PRKAG2: variants seen among roughly 807,000 people sequenced by gnomAD.
PRKAG2 encodes the protein protein kinase AMP-activated non-catalytic subunit gamma 2.
PRKAG2 carries 26 observed loss-of-function variants against 69.6 expected under a neutral mutation model. The ratio of observed to expected loss-of-function variants is 0.37; its 90% CI spans 0.27 to 0.52. The LOEUF is 0.52. Ranked by LOEUF, PRKAG2 falls within the 20% of genes least tolerant of loss-of-function variation. PRKAG2 has a pLI of 0.90. For missense variants in PRKAG2, 557 were observed against 740.0 expected, an observed-to-expected ratio of 0.75 and a Z score of 2.87; for synonymous variants, 293 against 285.0, an observed-to-expected ratio of 1.03 and a Z score of -0.28.
intron 1 of PRKAG2, among the ~76,000 whole-genome samples, chr7:151,865,556 A>G (rs939865843): frequency 2.0e-5 from 3 of 152,258 alleles, no homozygotes; most frequent in Admixed American, 6.5e-5. Flanking sequence ...CTGGCACACA[A>G]CAGGCTGCGG....
chr7:151,615,467 G>T (rs2151240708), intron 5 of PRKAG2, among the ~76,000 whole-genome samples: 1 of 152,330 alleles, frequency 6.6e-6, no homozygotes, highest in Middle Eastern at 3.4e-3. Context: ...TAACCTGGAA[G>T]ATGACCTAGG....
intron 1 of PRKAG2, among the ~76,000 whole-genome samples, chr7:151,803,348 G>A (rs1266820312): frequency 6.6e-6 from 1 of 152,130 alleles, no homozygotes; most frequent in Non-Finnish European, 1.5e-5. Flanking sequence ...AGGAATTTAA[G>A]GCGATCTTTA....
At chr7:151,809,439 G>T (rs1042279832) in intron 1 of PRKAG2, 1 of 352,512 alleles carries the variant, frequency 2.8e-6, no homozygotes, top group Non-Finnish European at 5.6e-6. Flanking sequence ...TCGCTGTGGG[G>T]TCCTCCCACC....
At chr7:151,832,080 G>A (rs1372219383) in intron 1 of PRKAG2, among the ~76,000 whole-genome samples, 1 of 152,118 alleles carries the variant, frequency 6.6e-6, no homozygotes, top group African/African-American at 2.4e-5. Context: ...GGGTACAGGG[G>A]CCACCAGATG....
intron 1 of PRKAG2, among the ~76,000 whole-genome samples, chr7:151,791,739 A>G (rs943916329): frequency 6.6e-6 from 1 of 152,234 alleles, no homozygotes; most frequent in Non-Finnish European, 1.5e-5. Context: ...CTTAAAAGCA[A>G]CTCATTCATC....
chr7:151,807,335 A>G lies in PRKAG2; in HGVS notation c.115-20794T>C, dbSNP rs776414224. On this transcript the variant is annotated intron_variant, in intron 1 of 15. Transcript: ENST00000287878. This position sits in a 1 kb window ranked among gnomAD's most constrained non-coding sequence, Gnocchi z 4.4. ...CAGAACGTGGGAAAATGCCTATATTAAGAATCCTGGAATACTCCATGTGCT... is the reference window on the plus strand; with the variant it reads ...CAGAACGTGGGAAAATGCCTATATTGAGAATCCTGGAATACTCCATGTGCT... 1 of 439,328 alleles carries G rather than the reference A, an allele frequency of 2.3e-6. No homozygotes were observed. Among genetic ancestry groups the G allele is most frequent in the Non-Finnish European group, 4.7e-6 (1 of 213,932 alleles). The allele number at this position is 439,328 out of a possible 1,614,324, so 27.2% of individuals were successfully genotyped here. A position where few individuals can be genotyped will look rare whatever the true frequency, so the allele number is the denominator to read the frequency against.
At chr7:151,603,769 G>T (rs1816810021) in intron 5 of PRKAG2, among the ~76,000 whole-genome samples, 1 of 152,098 alleles carries the variant, frequency 6.6e-6, no homozygotes, top group Admixed American at 6.5e-5. Context: ...CCAAGTAGAG[G>T]TACTCTTTCC....
chr7:151,857,130 A>AAAG lies in PRKAG2; in HGVS notation c.114+19376_114+19377insCTT, dbSNP rs1491405825. Among the ~76,000 whole-genome samples, 220 of 50,950 alleles carry AAAG rather than the reference A, an allele frequency of 4.3e-3. 2 individuals are homozygous for AAAG. The highest frequency in any genetic ancestry group is 9.4e-3 in the African/African-American group (206 of 22,006). The allele number at this position is 50,950 out of a possible 152,430, so 33.4% of individuals were successfully genotyped here. A position where few individuals can be genotyped will look rare whatever the true frequency, so the allele number is the denominator to read the frequency against. ...TTAGGCAAGGGCTGATCATTGCTGG[A>AAAG]AAAAAAAAAAAAAAAAGCCCACAGG... On this transcript the variant is annotated intron_variant, in intron 1 of 15. Transcript: ENST00000287878.
chr7:151,801,309 A>G (rs957426196), intron 1 of PRKAG2, among the ~76,000 whole-genome samples: 15 of 152,246 alleles, frequency 9.9e-5, no homozygotes, highest in African/African-American at 3.6e-4. Flanking sequence ...AAGATAAATG[A>G]GACCAGAGAC....
At chr7:151,855,066 CCA>C (rs1243519168) in intron 1 of PRKAG2, among the ~76,000 whole-genome samples, 5 of 39,840 alleles carry the variant, frequency 1.3e-4, no homozygotes, top group East Asian at 2.0e-3. Context: ...ACACCATCCT[CCA>C]CACACACCAT....
chr7:151,713,768 A>AG (rs1459352872), intron 3 of PRKAG2, among the ~76,000 whole-genome samples: 1 of 151,954 alleles, frequency 6.6e-6, no homozygotes, highest in South Asian at 2.1e-4. Flanking sequence ...TTCATAGAGA[A>AG]GGGGTCTATG....
At chr7:151,795,885 ATATATC>A (rs2077505577) in intron 1 of PRKAG2, among the ~76,000 whole-genome samples, 2 of 109,300 alleles carry the variant, frequency 1.8e-5, no homozygotes, top group East Asian at 3.4e-4. Flanking sequence ...ATATATATAT[ATATATC>A]ACGATAATAT....
intron 4 of PRKAG2, 72 bp downstream of exon 4, chr7:151,675,348 G>T: frequency 1.4e-6 from 2 of 1,444,294 alleles, no homozygotes; most frequent in Non-Finnish European, 1.9e-6. Flanking sequence ...AGACTGCTCA[G>T]CTTGGGGCAA....
intron 3 of PRKAG2, among the ~76,000 whole-genome samples, chr7:151,759,960 C>T (rs62478212): frequency 0.21 from 32,512 of 152,252 alleles, 4,485 homozygotes; most frequent in Non-Finnish European, 0.31. Context: ...CTAGTACGGG[C>T]TCCAGGCTGA....
intron 4 of PRKAG2, among the ~76,000 whole-genome samples, chr7:151,636,086 C>T (rs1825693696): frequency 1.3e-5 from 2 of 151,866 alleles, no homozygotes; most frequent in Admixed American, 6.6e-5. Flanking sequence ...CTCCTGACCT[C>T]GTGATCCACC....
intron 1 of PRKAG2, among the ~76,000 whole-genome samples, chr7:151,837,664 C>T (rs73487767): frequency 0.019 from 2,865 of 152,224 alleles, 85 homozygotes; most frequent in African/African-American, 0.065. Flanking sequence ...GAATGCCACA[C>T]GCGAGGCACT....
chr7:151,735,893 G>C lies in PRKAG2; in HGVS notation c.466+45259C>G, dbSNP rs1411433866. The C allele has an allele frequency of 2.0e-6, 3 of 1,536,270 alleles. No individual in the cohort carries two copies. The East Asian group carries it at 7.3e-5, about 38-fold the overall frequency. ...CACCAGGGGCTCGGGAATGGGCAGA[G>C]TCCTACCGAAAAGGCCATGAGGCTC... On this transcript the variant is annotated intron_variant, in intron 3 of 15. Transcript: ENST00000287878.
chr7:151,780,881 C>G lies in PRKAG2; in HGVS notation c.466+271G>C, dbSNP rs1236993717. Among the ~76,000 whole-genome samples, 1 of 152,162 alleles carries G rather than the reference C, an allele frequency of 6.6e-6. No homozygotes were observed. Among genetic ancestry groups the G allele is most frequent in the African/African-American group, 2.4e-5 (1 of 41,442 alleles). ...TCCATACAAGCTGTACTGTGAGTAT[C>G]AGGATGTTTACAGTTAACCCAAGGA... is the stretch of plus-strand genomic sequence containing the variant. On this transcript the variant is annotated intron_variant, in intron 3 of 15. Coordinates refer to ENST00000287878, the MANE Select transcript of PRKAG2 (RefSeq NM_016203.4). The surrounding 1 kb of genome is among the most constrained non-coding windows in gnomAD (Gnocchi z 4.2).
At chr7:151,702,745 A>C (rs1490203714) in intron 3 of PRKAG2, among the ~76,000 whole-genome samples, 1 of 152,210 alleles carries the variant, frequency 6.6e-6, no homozygotes, top group East Asian at 1.9e-4. Flanking sequence ...TAATGATCAG[A>C]GTGAAGGCCT....
Sources: allele counts gnomAD v4.1 joint callset (sites outside exome capture counted in the v4.1 genomes callset), GRCh38; gene constraint gnomAD v4.1.1; non-coding constraint Gnocchi (gnomAD v3.1); transcripts MANE v1.5; gene names NCBI Gene and HGNC (gene_info 2026-07-23, HGNC 2026-07-21).